The following BRINP1 variants were observed in gnomAD, a reference collection of about 807,000 sequenced individuals.
BRINP1 encodes BMP/retinoic acid-inducible neural-specific protein 1.
In BRINP1, 17 loss-of-function variants were observed where a neutral mutation model predicts 72.9. The ratio of observed to expected loss-of-function variants is 0.23; its 90% CI spans 0.16 to 0.35. The LOEUF is 0.35. Ranked by LOEUF, BRINP1 falls within the 10% of genes least tolerant of loss-of-function variation. BRINP1 has a pLI of 1.00. For synonymous variants in BRINP1, 418 were observed against 378.5 expected (o/e 1.10, Z -1.21); for missense variants, 850 against 1,001.6 (o/e 0.85, Z 2.04).
At chr9:119,281,397 A>G (rs1258492806) in intron 2 of BRINP1, among the ~76,000 whole-genome samples, 2 of 151,446 alleles carry the variant, frequency 1.3e-5, no homozygotes, top group African/African-American at 4.9e-5. Flanking sequence ...TAAGCATTCA[A>G]AAATCACTTA....
chr9:119,356,796 C>A (rs1444738631), intron 1 of BRINP1, among the ~76,000 whole-genome samples: 4 of 142,388 alleles, frequency 2.8e-5, no homozygotes, highest in Non-Finnish European at 6.1e-5. Context: ...CAGAGTGAGG[C>A]TCCGTCTCAA....
At chr9:119,338,633 G>C (rs1831374648) in intron 1 of BRINP1, among the ~76,000 whole-genome samples, 1 of 151,420 alleles carries the variant, frequency 6.6e-6, no homozygotes, top group South Asian at 2.1e-4. Context: ...AGCACTTTGG[G>C]AGGCCGAGGC....
At chr9:119,338,864 G>C (rs1160093264) in intron 1 of BRINP1, among the ~76,000 whole-genome samples, 1 of 149,664 alleles carries the variant, frequency 6.7e-6, no homozygotes, top group Non-Finnish European at 1.5e-5. Flanking sequence ...CAGCCCTGGC[G>C]ACACAGGGAG....
At chr9:119,351,728 T>G (rs944298804) in intron 1 of BRINP1, among the ~76,000 whole-genome samples, 2 of 152,226 alleles carry the variant, frequency 1.3e-5, no homozygotes, top group African/African-American at 4.8e-5. Context: ...TGGGCCAACA[T>G]GAATAATTAT....
At chr9:119,355,034 C>A (rs1386345202) in intron 1 of BRINP1, among the ~76,000 whole-genome samples, 1 of 152,174 alleles carries the variant, frequency 6.6e-6, no homozygotes, top group South Asian at 2.1e-4. Context: ...AAAGCTTTCT[C>A]CCCTGCTTTG....
At position 119,368,682 on chromosome 9, in the gene BRINP1, T is replaced by C. The variant is rs1234991356; in HGVS notation, c.-51+374A>G. Among the ~76,000 whole-genome samples the C allele has an allele frequency of 6.6e-6, 1 of 151,804 alleles. No homozygotes were observed. Among genetic ancestry groups the C allele is most frequent in the Admixed American group, 6.6e-5 (1 of 15,244 alleles). On this transcript the variant is annotated intron_variant, in intron 1 of 7. Transcript: ENST00000265922. The surrounding 1 kb of genome is among the most constrained non-coding windows in gnomAD (Gnocchi z 4.7). Reference sequence around the variant, plus strand: ...CGCGCCGTAAGTAGGTTATAGGACCTCTCTCTCTTCACCCCTCCCTTACAC... The same window carrying C: ...CGCGCCGTAAGTAGGTTATAGGACCCCTCTCTCTTCACCCCTCCCTTACAC...
At chr9:119,308,711 A>G (rs527681347) in intron 2 of BRINP1, among the ~76,000 whole-genome samples, 1 of 152,182 alleles carries the variant, frequency 6.6e-6, no homozygotes, top group Non-Finnish European at 1.5e-5. Context: ...TTGGCTTACC[A>G]AGATTTGATT....
At chr9:119,234,928 G>T (rs925222180) in intron 5 of BRINP1, among the ~76,000 whole-genome samples, 1 of 152,000 alleles carries the variant, frequency 6.6e-6, no homozygotes, top group African/African-American at 2.4e-5. Flanking sequence ...ATAGATACTT[G>T]CCCATCTATC....
At chr9:119,290,777 C>A (rs1169247491) in intron 2 of BRINP1, among the ~76,000 whole-genome samples, 1 of 152,044 alleles carries the variant, frequency 6.6e-6, no homozygotes, top group Non-Finnish European at 1.5e-5. Context: ...AGTCACAGTG[C>A]ATTATTAATC....
chr9:119,356,016 T>C (rs937889060), intron 1 of BRINP1, among the ~76,000 whole-genome samples: 1 of 152,166 alleles, frequency 6.6e-6, no homozygotes, highest in African/African-American at 2.4e-5. Context: ...GAAATAGAGA[T>C]AGAAATTATA....
chr9:119,231,193 C>A (rs1434125760), intron 5 of BRINP1, among the ~76,000 whole-genome samples: 1 of 151,926 alleles, frequency 6.6e-6, no homozygotes, highest in East Asian at 1.9e-4. Context: ...CTATGATAGG[C>A]AATCAAGAAA....
intron 1 of BRINP1, among the ~76,000 whole-genome samples, chr9:119,367,281 A>G (rs1831705327): frequency 7.2e-6 from 1 of 138,636 alleles, no homozygotes; most frequent in South Asian, 2.5e-4. Flanking sequence ...TAGGCCAAAT[A>G]TATTTCTACT....
rs753482862 is a variant in BRINP1 at position 119,338,223 on chromosome 9, GGTTTTTGTTTTT to G, written c.-50-24830_-50-24819del. 1.8e-4 allele frequency among the ~76,000 whole-genome samples: 22 copies of G among 122,562 alleles called. No homozygotes were observed. In the East Asian group the frequency reaches 5.5e-3, roughly 31 times the overall value. 80.4% of individuals were successfully genotyped at this position (122,562 alleles called of 152,430 possible). ...TTAGTTTCTGGTATTCAGATTATGA[GGTTTTTGTTTTT>G]GTTTTTGTTTCTTTTTTTTTTTGCC... is the stretch of plus-strand genomic sequence containing the variant. On this transcript the variant is annotated intron_variant, in intron 1 of 7. Transcript: ENST00000265922.
intron 5 of BRINP1, among the ~76,000 whole-genome samples, chr9:119,216,582 C>A (rs577711003): frequency 6.6e-6 from 1 of 152,252 alleles, no homozygotes; most frequent in East Asian, 1.9e-4. Flanking sequence ...ACCATTTTCT[C>A]TTCTAGAGCC....
intron 5 of BRINP1, among the ~76,000 whole-genome samples, chr9:119,229,733 G>C (rs1231926356): frequency 6.6e-6 from 1 of 152,108 alleles, no homozygotes; most frequent in Non-Finnish European, 1.5e-5. Context: ...GCATACAGTA[G>C]GCCCTCAGGA....
rs1378912350 is a variant in BRINP1 at position 119,313,223 on chromosome 9, T to G, written c.133A>C (p.Arg45=). ...SKEFDWLISD[R]GPFHHSRSYL... is the part of the protein sequence containing the mutation. ...CTCCTGGAGTGGTGGAAAGGCCCCC[T>G]GTCTGAAATGAGCCAATCAAATTCC... The change falls in exon 2 of 8, where the codon AGG becomes CGG. Residue 45 remains arginine, a synonymous_variant. Transcript: ENST00000265922. 6.2e-7 allele frequency: 1 copy of G among 1,614,084 alleles called. No homozygotes were observed. Among genetic ancestry groups the G allele is most frequent in the African/African-American group, 1.3e-5 (1 of 74,932 alleles).
chr9:119,168,691 G>A (rs1204572198), intron 7 of BRINP1, among the ~76,000 whole-genome samples: 1 of 152,212 alleles, frequency 6.6e-6, no homozygotes, highest in Non-Finnish European at 1.5e-5. Flanking sequence ...CCTCCCATGA[G>A]GGTGTATAAC....
chr9:119,217,356 A>G (rs1829989243), intron 5 of BRINP1, among the ~76,000 whole-genome samples: 1 of 151,590 alleles, frequency 6.6e-6, no homozygotes, highest in Non-Finnish European at 1.5e-5. Context: ...CACGGAGAGA[A>G]AGAGAGAGAG....
chr9:119,309,773 T>G (rs1185959791), intron 2 of BRINP1, among the ~76,000 whole-genome samples: 1 of 152,092 alleles, frequency 6.6e-6, no homozygotes, highest in Non-Finnish European at 1.5e-5. Flanking sequence ...CCTCTGTCCT[T>G]CACTCCTAAC....
Sources: gnomAD v4.1 joint callset for allele counts (sites outside exome capture counted in the v4.1 genomes callset) on GRCh38, gnomAD v4.1.1 for gene constraint, Gnocchi (gnomAD v3.1) non-coding constraint, MANE v1.5 for transcripts, NCBI Gene and HGNC (gene_info 2026-07-23, HGNC 2026-07-21) for gene names.